ZFYVE27: variants seen among roughly 807,000 people sequenced by gnomAD.
The protein encoded by ZFYVE27 is protrudin.
A neutral mutation model predicts 52.8 loss-of-function variants in ZFYVE27; 36 were observed. The observed-to-expected ratio is 0.68, with a 90% CI of 0.52 to 0.90. ZFYVE27 has a LOEUF of 0.90. Among genes scored for constraint, ZFYVE27 ranks in the 40% least tolerant of loss-of-function variants. The pLI is 0.00. For synonymous variants in ZFYVE27, 223 were observed against 215.6 expected, an observed-to-expected ratio of 1.03 and a Z score of -0.30; for missense variants, 450 against 527.2, an observed-to-expected ratio of 0.85 and a Z score of 1.43.
At chr10:97,748,519 G>C (rs753173095) in intron 5 of ZFYVE27, among the ~76,000 whole-genome samples, 155 bp downstream of exon 5, 1 of 152,166 alleles carries the variant, frequency 6.6e-6, no homozygotes, top group Admixed American at 6.5e-5. Context: ...ATATGCTTGC[G>C]GGCTCTAATG....
At chr10:97,744,490 C>T (rs376135303) in intron 3 of ZFYVE27, among the ~76,000 whole-genome samples, 25 of 152,348 alleles carry the variant, frequency 1.6e-4, no homozygotes, top group African/African-American at 5.8e-4. Context: ...GAGCTTACTT[C>T]ATTAGAGGAG....
At chr10:97,737,644 G>C (rs941724380) in intron 1 of ZFYVE27, among the ~76,000 whole-genome samples, 1 of 152,232 alleles carries the variant, frequency 6.6e-6, no homozygotes, top group African/African-American at 2.4e-5. Flanking sequence ...GGTCGCGGCT[G>C]ATTGCCTGGG....
intron 2 of ZFYVE27, among the ~76,000 whole-genome samples, chr10:97,740,563 C>A (rs371324648): frequency 6.6e-6 from 1 of 152,156 alleles, no homozygotes; most frequent in Non-Finnish European, 1.5e-5. Flanking sequence ...GTCCGTAGTG[C>A]GTCTTAGCAC....
intron 6 of ZFYVE27, 170 bp from the exon 7 acceptor site, chr10:97,750,161 A>T: frequency 1.4e-6 from 1 of 727,356 alleles, no homozygotes; most frequent in Non-Finnish European, 2.3e-6. Context: ...GGTGGTATCT[A>T]AGTTTTGTTT....
chr10:97,750,159 C>CT (rs2046548489), intron 6 of ZFYVE27, 172 bp from the exon 7 acceptor site: 1 of 720,290 alleles, frequency 1.4e-6, no homozygotes, highest in African/African-American at 1.7e-5. Flanking sequence ...GTGGTGGTAT[C>CT]TAAGTTTTGT....
At chr10:97,740,342 A>G (rs193059052) in intron 2 of ZFYVE27, among the ~76,000 whole-genome samples, 2 of 152,358 alleles carry the variant, frequency 1.3e-5, no homozygotes, top group Middle Eastern at 3.4e-3. Flanking sequence ...TCTCTACTGT[A>G]AGATCACTGT....
At chr10:97,742,861 T>C (rs1420708161) in intron 2 of ZFYVE27, among the ~76,000 whole-genome samples, 1 of 152,206 alleles carries the variant, frequency 6.6e-6, no homozygotes, top group Admixed American at 6.5e-5. Flanking sequence ...CTTCTTCCTT[T>C]TGGGAGAAAG....
intron 10 of ZFYVE27, chr10:97,754,596 T>G: frequency 4.0e-6 from 5 of 1,248,984 alleles, no homozygotes; most frequent in Non-Finnish European, 5.2e-6. Context: ...ATTACAAGTG[T>G]GAGCCACCAC....
intron 8 of ZFYVE27, among the ~76,000 whole-genome samples, chr10:97,751,955 G>GT (rs2047117089): frequency 6.6e-6 from 1 of 152,182 alleles, no homozygotes; most frequent in South Asian, 2.1e-4. Flanking sequence ...TTGCAGAAGT[G>GT]TTTTATTTGG....
chr10:97,758,389 C>T (rs1333517844), intron 12 of ZFYVE27, among the ~76,000 whole-genome samples: 2 of 148,386 alleles, frequency 1.3e-5, no homozygotes, highest in Non-Finnish European at 3.0e-5. Flanking sequence ...AGTGGTACGG[C>T]CTTGGCTCAC....
chr10:97,741,858 CG>C (rs750402596), intron 2 of ZFYVE27, among the ~76,000 whole-genome samples: 46 of 152,300 alleles, frequency 3.0e-4, no homozygotes, highest in Admixed American at 1.0e-3. Flanking sequence ...AGCCCCAGCA[CG>C]GTAGCTTACG....
chr10:97,739,703 T>C (rs951248797), intron 2 of ZFYVE27, among the ~76,000 whole-genome samples: 4 of 152,144 alleles, frequency 2.6e-5, no homozygotes, highest in Non-Finnish European at 5.9e-5. Context: ...TTTGTACTTA[T>C]TATGTCTTTT....
intron 6 of ZFYVE27, 116 bp from the exon 7 acceptor site, chr10:97,750,215 C>T: frequency 7.3e-7 from 1 of 1,361,420 alleles, no homozygotes. Context: ...AGGAGGGTGA[C>T]TCTTTCCTGT....
chr10:97,754,705 T>A (rs1222805253), intron 10 of ZFYVE27: 6 of 1,289,274 alleles, frequency 4.7e-6, no homozygotes, highest in Admixed American at 2.3e-5. Flanking sequence ...ACATGTGTGA[T>A]CTCATTTCAT....
In ZFYVE27 at chr10:97,754,658, C is replaced by G. The variant is rs968014952; in HGVS notation, c.1042+1476C>G. ...TGCCTGCTGACTTCTGCAGGGCATT[C>G]TGTATGTTCAGTGATCTGTTTACCC... On this transcript the variant is annotated intron_variant, in intron 10 of 12. Coordinates refer to ENST00000684270, the MANE Select transcript of ZFYVE27 (RefSeq NM_001385875.1). 3.1e-6 allele frequency: 4 copies of G among 1,288,318 alleles called. No homozygotes were observed. In the African/African-American group the frequency reaches 4.6e-5, roughly 15 times the overall value. 79.8% of individuals were successfully genotyped at this position (1,288,318 alleles called of 1,614,324 possible). A position where few individuals can be genotyped will look rare whatever the true frequency, so the allele number is the denominator to read the frequency against.
intron 12 of ZFYVE27, among the ~76,000 whole-genome samples, chr10:97,758,812 C>T (rs879196888): frequency 2.1e-4 from 32 of 151,920 alleles, no homozygotes; most frequent in Admixed American, 1.9e-3. Flanking sequence ...GACAGAGTCT[C>T]GCTCTGTCGC....
chr10:97,741,523 C>T (rs2043630958), intron 2 of ZFYVE27, among the ~76,000 whole-genome samples: 1 of 152,104 alleles, frequency 6.6e-6, no homozygotes, highest in African/African-American at 2.4e-5. Flanking sequence ...AACAGAAAAC[C>T]AAACACCACA....
In ZFYVE27 at chr10:97,759,636, CTGGGGTCTGAA is replaced by C. The variant is rs1466739996; in HGVS notation, c.*337_*347del. 5.6e-5 allele frequency: 23 copies of C among 409,854 alleles called. No individual in the cohort carries two copies. The highest frequency in any genetic ancestry group is 4.5e-4 in the African/African-American group (22 of 49,314). 25.4% of individuals were successfully genotyped at this position (409,854 alleles called of 1,614,324 possible). On this transcript the variant is annotated 3_prime_UTR_variant, in exon 13 of 13. Transcript: ENST00000684270. ...CAGCAGCGAACTAGGCCAGGCCTGA[CTGGGGTCTGAA>C]GATCAGGGTCAGTGTGGCTGTGCCT...
intron 2 of ZFYVE27, among the ~76,000 whole-genome samples, chr10:97,741,985 T>C (rs2043788724): frequency 6.6e-6 from 1 of 151,898 alleles, no homozygotes; most frequent in South Asian, 2.1e-4. Context: ...ACACAAAAAC[T>C]GGCCAGGTGT....
Sources: gnomAD v4.1 joint callset for allele counts (sites outside exome capture counted in the v4.1 genomes callset) on GRCh38, gnomAD v4.1.1 for gene constraint, MANE v1.5 for transcripts, NCBI Gene and HGNC (gene_info 2026-07-23, HGNC 2026-07-21) for gene names.